The following FHIT variants were observed in gnomAD, a reference collection of about 807,000 sequenced individuals.
FHIT encodes bis(5'-adenosyl)-triphosphatase.
A neutral mutation model predicts 17.9 loss-of-function variants in FHIT; 19 were observed. That is an observed-to-expected ratio of 1.06 (90% CI 0.74 to 1.56). The LOEUF (loss-of-function observed/expected upper bound fraction) is 1.56, where lower values mean the gene tolerates loss of function less well. Ranked by LOEUF, FHIT falls within the 40% of genes most tolerant of loss-of-function variation. The pLI, the probability that FHIT is intolerant of heterozygous loss-of-function variation, is 0.00. For synonymous variants in FHIT, 81 were observed against 69.7 expected (o/e 1.16, Z -0.81); for missense variants, 248 against 189.2 (o/e 1.31, Z -1.82).
chr3:61,086,842 A>C (rs547087354), intron 2 of FHIT, among the ~76,000 whole-genome samples: 1 of 152,226 alleles, frequency 6.6e-6, no homozygotes. Context: ...GAATTTGCTA[A>C]TGTGCTGATA....
intron 5 of FHIT, among the ~76,000 whole-genome samples, chr3:60,457,116 T>C (rs1039662212): frequency 6.6e-6 from 1 of 152,198 alleles, no homozygotes; most frequent in Non-Finnish European, 1.5e-5. Context: ...AGAGCCCGTA[T>C]TGCCAAGTCA....
chr3:59,899,877 T>C (rs776898835), intron 8 of FHIT, among the ~76,000 whole-genome samples: 49 of 152,130 alleles, frequency 3.2e-4, no homozygotes, highest in Non-Finnish European at 2.6e-4. Flanking sequence ...GAATCAGCTA[T>C]TGCAGGCCTA....
rs575250498 is a variant in FHIT at position 60,450,780 on chromosome 3, C to T, written c.103+86080G>A. 8.0e-4 allele frequency among the ~76,000 whole-genome samples: 121 copies of T among 152,120 alleles called. 1 individual carries two copies. The Middle Eastern group carries it at 0.014, about 17-fold the overall frequency. ...AGGAGCCATAAACCAAAAACACCAA[C>T]AAAAACCATGTTTTCAAGAAGGAAC... On this transcript the variant is annotated intron_variant, in intron 5 of 9. Transcript: ENST00000492590.
intron 3 of FHIT, among the ~76,000 whole-genome samples, chr3:60,915,321 C>G (rs1263385971): frequency 6.6e-6 from 1 of 152,122 alleles, no homozygotes; most frequent in Non-Finnish European, 1.5e-5. Context: ...AATGACACAG[C>G]TTTTGGCCAC....
intron 5 of FHIT, among the ~76,000 whole-genome samples, chr3:60,149,032 T>C (rs771020286): frequency 5.3e-5 from 8 of 152,200 alleles, no homozygotes; most frequent in Non-Finnish European, 7.3e-5. Context: ...ATTTCTATCA[T>C]AGTTGTTGAC....
intron 5 of FHIT, among the ~76,000 whole-genome samples, chr3:60,498,541 G>C (rs1003353646): frequency 2.6e-5 from 4 of 152,134 alleles, no homozygotes; most frequent in African/African-American, 9.7e-5. Flanking sequence ...TATTAGGTTT[G>C]CTATTTCACC....
chr3:61,183,030 G>A (rs1301110613), intron 2 of FHIT, among the ~76,000 whole-genome samples: 1 of 152,180 alleles, frequency 6.6e-6, no homozygotes, highest in Non-Finnish European at 1.5e-5. Context: ...CAGTCCCTGT[G>A]CTGAGATACA....
chr3:60,970,347 T>C (rs1449440559), intron 3 of FHIT, among the ~76,000 whole-genome samples: 3 of 152,212 alleles, frequency 2.0e-5, no homozygotes, highest in Non-Finnish European at 4.4e-5. Context: ...TGAATCTTTA[T>C]ATGGATTTAT....
At chr3:61,201,092 A>T (rs1198490245) in intron 1 of FHIT, among the ~76,000 whole-genome samples, 1 of 152,190 alleles carries the variant, frequency 6.6e-6, no homozygotes, top group Non-Finnish European at 1.5e-5. Context: ...AGGGATGCCT[A>T]TTCCATTTAT....
intron 5 of FHIT, among the ~76,000 whole-genome samples, chr3:60,252,652 G>A (rs1242775012): frequency 1.3e-5 from 2 of 152,040 alleles, no homozygotes; most frequent in Admixed American, 6.6e-5. Flanking sequence ...AGCTAGTACT[G>A]TACATGGGAA....
intron 4 of FHIT, among the ~76,000 whole-genome samples, chr3:60,793,202 C>A (rs1332170718): frequency 6.6e-6 from 1 of 152,008 alleles, no homozygotes; most frequent in Non-Finnish European, 1.5e-5. Flanking sequence ...TTCATGATTT[C>A]TTTTTAAATA....
chr3:60,925,075 A>G (rs1244302882), intron 3 of FHIT, among the ~76,000 whole-genome samples: 2 of 152,236 alleles, frequency 1.3e-5, no homozygotes, highest in African/African-American at 4.8e-5. Context: ...GACCAAATCT[A>G]CATCTGACTG....
At position 59,929,685 on chromosome 3, in the gene FHIT, A is replaced by C. The variant is rs942997847; in HGVS notation, c.280-7271T>G. On this transcript the variant is annotated intron_variant, in intron 7 of 9. Coordinates refer to ENST00000492590, the MANE Select transcript of FHIT (RefSeq NM_002012.4). ...CTCTCAACTTGGAATAACCAAATGT[A>C]ATGTAACAATAAGATTGTTTCCATT... 7.2e-5 allele frequency among the ~76,000 whole-genome samples: 11 copies of C among 152,262 alleles called. 1 individual carries two copies. In the South Asian group the frequency reaches 2.3e-3, roughly 32 times the overall value.
chr3:61,220,867 T>C (rs959110054), intron 1 of FHIT, among the ~76,000 whole-genome samples: 1 of 152,230 alleles, frequency 6.6e-6, no homozygotes, highest in Non-Finnish European at 1.5e-5. Flanking sequence ...GTTATCTCTC[T>C]ACTGAAGCCT....
intron 1 of FHIT, among the ~76,000 whole-genome samples, chr3:61,218,333 T>TA (rs2039743292): frequency 6.6e-6 from 1 of 151,988 alleles, no homozygotes; most frequent in Non-Finnish European, 1.5e-5. Context: ...ATATAAATAC[T>TA]AAAAAAAGCC....
Position 59,946,732 on chromosome 3 carries a change from A to G in FHIT, c.280-24318T>C, listed in dbSNP as rs1706824190. 2.0e-5 allele frequency among the ~76,000 whole-genome samples: 3 copies of G among 152,290 alleles called. No homozygotes were observed. In the South Asian group the frequency reaches 6.2e-4, roughly 32 times the overall value. On this transcript the variant is annotated intron_variant, in intron 7 of 9. Transcript: ENST00000492590. Reference sequence around the variant, plus strand: ...GGATTTTTAACAAGAAGGATGTCTAATTTTATCAAAAGGCTTTTCTACATC... The same window carrying G: ...GGATTTTTAACAAGAAGGATGTCTAGTTTTATCAAAAGGCTTTTCTACATC...
At chr3:60,137,493 T>C (rs551209374) in intron 5 of FHIT, among the ~76,000 whole-genome samples, 2 of 152,298 alleles carry the variant, frequency 1.3e-5, no homozygotes, top group African/African-American at 4.8e-5. Flanking sequence ...TCCAGAATAA[T>C]ATGACTAGGT....
At position 59,986,749 on chromosome 3, in the gene FHIT, T is replaced by TATAA. The variant is rs555353055; in HGVS notation, c.279+24621_279+24622insTTAT. 2.0e-3 allele frequency among the ~76,000 whole-genome samples: 23 copies of TATAA among 11,594 alleles called. 4 individuals are homozygous for TATAA. Among genetic ancestry groups the TATAA allele is most frequent in the Non-Finnish European group, 4.7e-3 (19 of 4,078 alleles). 7.6% of individuals were successfully genotyped at this position (11,594 alleles called of 152,430 possible). On this transcript the variant is annotated intron_variant, in intron 7 of 9. Coordinates refer to ENST00000492590, the MANE Select transcript of FHIT (RefSeq NM_002012.4). ...TTATATAAATATATACATATATTTA[T>TATAA]ATATATATAAATATATTTATATAAA... is the stretch of plus-strand genomic sequence containing the variant.
chr3:61,041,171 G>C (rs1479477445), intron 3 of FHIT, among the ~76,000 whole-genome samples: 1 of 152,114 alleles, frequency 6.6e-6, no homozygotes, highest in Non-Finnish European at 1.5e-5. Flanking sequence ...ACGAGGTCAA[G>C]AGATCGACCC....
Sources: allele counts gnomAD v4.1 joint callset (sites outside exome capture counted in the v4.1 genomes callset), GRCh38; gene constraint gnomAD v4.1.1; transcripts MANE v1.5; gene names NCBI Gene and HGNC (gene_info 2026-07-23, HGNC 2026-07-21).